Variants in OSBPL1A observed in about 807,000 individuals in gnomAD.
OSBPL1A encodes the protein oxysterol-binding protein-related protein 1.
In OSBPL1A, 80 loss-of-function variants were observed where a neutral mutation model predicts 137.1. The observed-to-expected ratio is 0.58, with a 90% CI of 0.49 to 0.70. The LOEUF is 0.70. Among genes scored for constraint, OSBPL1A ranks in the 30% least tolerant of loss-of-function variants. The probability of loss-of-function intolerance (pLI) is 0.00; values close to 1 mark genes in which losing one functional copy is unlikely to be tolerated. For synonymous variants in OSBPL1A, 365 were observed against 389.7 expected, an observed-to-expected ratio of 0.94 and a Z score of 0.75; for missense variants, 970 against 1,129.4, an observed-to-expected ratio of 0.86 and a Z score of 2.02.
chr18:24,343,795 T>C (rs2091304495), intron 4 of OSBPL1A, among the ~76,000 whole-genome samples: 1 of 152,180 alleles, frequency 6.6e-6, no homozygotes, highest in Non-Finnish European at 1.5e-5. Context: ...AACACATACC[T>C]TACACCATAC....
chr18:24,165,210 C>T, intron 26 of OSBPL1A, 55 bp from the exon 27 acceptor site: 1 of 1,489,154 alleles, frequency 6.7e-7, no homozygotes. Context: ...GGATGCCAGG[C>T]ACAGTATTAA....
chr18:24,397,221 A>G (rs1907813511), intron 1 of OSBPL1A, among the ~76,000 whole-genome samples: 2 of 152,196 alleles, frequency 1.3e-5, no homozygotes, highest in South Asian at 4.1e-4. Context: ...CACGCGGTAC[A>G]TTGGGAAACG....
intron 7 of OSBPL1A, among the ~76,000 whole-genome samples, chr18:24,331,081 C>T (rs1445555632): frequency 1.3e-5 from 2 of 152,192 alleles, no homozygotes; most frequent in African/African-American, 2.4e-5. Context: ...GCTTGAGCCA[C>T]CGGCCTGGCC....
chr18:24,214,870 G>C (rs887602683), intron 17 of OSBPL1A, among the ~76,000 whole-genome samples: 3 of 152,154 alleles, frequency 2.0e-5, no homozygotes, highest in African/African-American at 7.2e-5. Context: ...TCATGGCTCT[G>C]AACTTTCCAG....
intron 4 of OSBPL1A, among the ~76,000 whole-genome samples, chr18:24,343,471 C>T (rs1340553856): frequency 1.3e-5 from 2 of 152,018 alleles, no homozygotes; most frequent in African/African-American, 4.8e-5. Context: ...ACAGAAAATC[C>T]CATCCTAAAA....
intron 1 of OSBPL1A, among the ~76,000 whole-genome samples, chr18:24,397,222 T>C (rs1284520812): frequency 2.0e-5 from 3 of 152,170 alleles, no homozygotes; most frequent in Non-Finnish European, 2.9e-5. Context: ...ACGCGGTACA[T>C]TGGGAAACGG....
At chr18:24,325,820 T>C (rs969416250) in intron 7 of OSBPL1A, among the ~76,000 whole-genome samples, 5 of 152,218 alleles carry the variant, frequency 3.3e-5, no homozygotes, top group Non-Finnish European at 5.9e-5. Flanking sequence ...TAAACATTTA[T>C]CAAATCTCTA....
At chr18:24,322,266 C>T (rs1208074434) in intron 7 of OSBPL1A, among the ~76,000 whole-genome samples, 7 of 149,840 alleles carry the variant, frequency 4.7e-5, no homozygotes, top group African/African-American at 1.5e-4. Flanking sequence ...CCCACCATCA[C>T]GCCCGGCTAA....
intron 15 of OSBPL1A, among the ~76,000 whole-genome samples, chr18:24,251,106 G>A (rs559692396): frequency 1.7e-4 from 26 of 152,258 alleles, no homozygotes; most frequent in African/African-American, 5.8e-4. Context: ...AGGACATCAG[G>A]CAAATTTCTA....
At chr18:24,287,209 G>A (rs2090079735) in intron 14 of OSBPL1A, among the ~76,000 whole-genome samples, 1 of 152,160 alleles carries the variant, frequency 6.6e-6, no homozygotes, top group Admixed American at 6.5e-5. Flanking sequence ...GTATAACTGG[G>A]TTTGCATCAC....
At chr18:24,345,230 C>A (rs1212760177) in intron 4 of OSBPL1A, among the ~76,000 whole-genome samples, 1 of 152,120 alleles carries the variant, frequency 6.6e-6, no homozygotes, top group African/African-American at 2.4e-5. Flanking sequence ...CTGTAGCATG[C>A]CTCCTCCCAG....
chr18:24,349,283 C>G (rs777999564), intron 4 of OSBPL1A, among the ~76,000 whole-genome samples: 7 of 151,102 alleles, frequency 4.6e-5, no homozygotes, highest in Non-Finnish European at 7.4e-5. Context: ...ATGACTAGCA[C>G]AAAGGAGAAA....
intron 15 of OSBPL1A, among the ~76,000 whole-genome samples, chr18:24,280,076 A>G (rs907007094): frequency 2.0e-5 from 3 of 151,924 alleles, no homozygotes; most frequent in Admixed American, 1.3e-4. Flanking sequence ...CCTCCCAAGT[A>G]GCTGGATTGC....
At chr18:24,219,246 T>C (rs1263424532) in intron 17 of OSBPL1A, among the ~76,000 whole-genome samples, 1 of 152,062 alleles carries the variant, frequency 6.6e-6, no homozygotes, top group East Asian at 1.9e-4. Context: ...TAAGCTATAA[T>C]CACACCACTG....
At chr18:24,195,594 T>A (rs768728272) in intron 18 of OSBPL1A, among the ~76,000 whole-genome samples, 1 of 152,166 alleles carries the variant, frequency 6.6e-6, no homozygotes, top group Non-Finnish European at 1.5e-5. Context: ...CTGACTGACA[T>A]CAGGGTGGTG....
intron 7 of OSBPL1A, among the ~76,000 whole-genome samples, chr18:24,319,075 T>G (rs2090793631): frequency 6.6e-6 from 1 of 152,228 alleles, no homozygotes; most frequent in African/African-American, 2.4e-5. Context: ...AATACAAATT[T>G]ATTATCTTAC....
chr18:24,259,559 C>T (rs898416628), intron 15 of OSBPL1A, among the ~76,000 whole-genome samples: 11 of 152,196 alleles, frequency 7.2e-5, no homozygotes, highest in South Asian at 2.1e-4. Context: ...TTCCAGCTGA[C>T]GAAAATTTGA....
chr18:24,335,296 G>A (rs905990071), intron 5 of OSBPL1A, among the ~76,000 whole-genome samples: 3 of 152,164 alleles, frequency 2.0e-5, no homozygotes, highest in African/African-American at 7.2e-5. Flanking sequence ...TGAGGTAGGT[G>A]TTGTTATTAT....
chr18:24,217,959 C>G (rs1275218317), intron 17 of OSBPL1A, among the ~76,000 whole-genome samples: 5 of 152,000 alleles, frequency 3.3e-5, no homozygotes, highest in African/African-American at 1.2e-4. Flanking sequence ...CAGCAATATC[C>G]AGATGGTAGA....
Sources: allele counts gnomAD v4.1 joint callset (sites outside exome capture counted in the v4.1 genomes callset), GRCh38; gene constraint gnomAD v4.1.1; transcripts MANE v1.5; gene names NCBI Gene and HGNC (gene_info 2026-07-23, HGNC 2026-07-21).